FAM83G: variants seen among roughly 807,000 people sequenced by gnomAD.
The protein encoded by FAM83G is scaffolding CK1 anchoring protein G, also known as protein FAM83G.
FAM83G carries 38 observed loss-of-function variants against 61.5 expected under a neutral mutation model. The observed-to-expected ratio is 0.62, with a 90% CI of 0.48 to 0.81. The LOEUF (loss-of-function observed/expected upper bound fraction) is 0.81. Among genes scored for constraint, FAM83G ranks in the 30% least tolerant of loss-of-function variants. FAM83G has a pLI of 0.00. For synonymous variants in FAM83G, 470 were observed against 476.1 expected, an observed-to-expected ratio of 0.99 and a Z score of 0.17; for missense variants, 989 against 1,133.6, an observed-to-expected ratio of 0.87 and a Z score of 1.83.
chr17:18,969,220 C>T lies in FAM83G; in HGVS notation c.*2139G>A, dbSNP rs910789103. 42 of 1,585,280 alleles carry T rather than the reference C, an allele frequency of 2.6e-5. No homozygotes were observed. Among genetic ancestry groups the T allele is most frequent in the Middle Eastern group, 1.7e-4 (1 of 5,970 alleles). Reference sequence around the variant, plus strand: ...GTGTAAAGGGGTCAGAAGGCCACCTCCCCCTACAGGCCCGAGGGAGCAGCC... The same window carrying T: ...GTGTAAAGGGGTCAGAAGGCCACCTTCCCCTACAGGCCCGAGGGAGCAGCC... On this transcript the variant is annotated 3_prime_UTR_variant, in exon 6 of 6. Coordinates refer to ENST00000388995, the MANE Select transcript of FAM83G (RefSeq NM_001039999.3).
At chr17:19,001,405 G>A (rs1054969578) in intron 2 of FAM83G, among the ~76,000 whole-genome samples, 11 of 152,212 alleles carry the variant, frequency 7.2e-5, no homozygotes, top group Admixed American at 6.5e-4. Flanking sequence ...GACTCCCTGA[G>A]GTCTGAGAGT....
At chr17:18,973,392 C>T (rs1409962676) in intron 5 of FAM83G, among the ~76,000 whole-genome samples, 1 of 152,238 alleles carries the variant, frequency 6.6e-6, no homozygotes, top group East Asian at 1.9e-4. Context: ...GGAGGAGGAA[C>T]ACTGCTGACC....
chr17:18,971,453 G>A lies in FAM83G; in HGVS notation c.2378C>T (p.Ser793Leu), dbSNP rs538347250. ...GCCCGTCCTGGCCTTTAGGTGCTTC[G>A]ACTGAGACAGTTTGGAGTATGGGAT... ...FGIPYSKLSQSKHLKARTGGS... is the reference protein window; with the variant it reads ...FGIPYSKLSQLKHLKARTGGS... The change falls in exon 6 of 6, where the codon TCG (serine) becomes TTG (leucine). Residue 793 changes from serine to leucine, a missense_variant. By Grantham distance (145) the Ser-to-Leu change is moderately radical (BLOSUM62 -2). Coordinates refer to ENST00000388995, the MANE Select transcript of FAM83G (RefSeq NM_001039999.3). This position sits in a 1 kb window ranked among gnomAD's most constrained non-coding sequence, Gnocchi z 5.5. The A allele has an allele frequency of 5.6e-6, 9 of 1,613,888 alleles. No individual in the cohort carries two copies. Among genetic ancestry groups the A allele is most frequent in the Middle Eastern group, 1.6e-4 (1 of 6,062 alleles).
At chr17:19,005,654 C>A (rs976813447), upstream of FAM83G, among the ~76,000 whole-genome samples, 2 of 152,074 alleles carry the variant, frequency 1.3e-5, no homozygotes, top group African/African-American at 2.4e-5. Context: ...CAAACCCCCC[C>A]CCTCCAAGGC....
intron 3 of FAM83G, among the ~76,000 whole-genome samples, chr17:18,982,285 A>AGGTG (rs1242121313): frequency 3.3e-5 from 5 of 151,886 alleles, no homozygotes; most frequent in Non-Finnish European, 5.9e-5. Flanking sequence ...GGCCTGCAGC[A>AGGTG]GGGCCCCCCA....
intron 5 of FAM83G, among the ~76,000 whole-genome samples, chr17:18,972,108 C>T (rs2042870781): frequency 6.6e-6 from 1 of 152,190 alleles, no homozygotes; most frequent in South Asian, 2.1e-4. Flanking sequence ...TGGCCCTGCC[C>T]TCAAGACCCT....
At chr17:18,982,159 C>A (rs1260193259) in intron 3 of FAM83G, among the ~76,000 whole-genome samples, 3 of 152,248 alleles carry the variant, frequency 2.0e-5, no homozygotes, top group Non-Finnish European at 4.4e-5. Context: ...GCCGCTGACT[C>A]GCTGTGACTC....
intron 3 of FAM83G, among the ~76,000 whole-genome samples, chr17:18,981,138 A>AG (rs1720687327): frequency 1.3e-5 from 2 of 152,180 alleles, no homozygotes; most frequent in South Asian, 2.1e-4. Flanking sequence ...GGGGAGGCTG[A>AG]GGGGGTAAAC....
At position 19,003,029 on chromosome 17, in the gene FAM83G, T is replaced by G. The variant is rs538862017; in HGVS notation, c.522+491A>C. Among the ~76,000 whole-genome samples the G allele has an allele frequency of 1.3e-5, 2 of 152,040 alleles. No homozygotes were observed. Among genetic ancestry groups the G allele is most frequent in the South Asian group, 4.2e-4 (2 of 4,816 alleles). On this transcript the variant is annotated intron_variant, in intron 2 of 5. Coordinates refer to ENST00000388995, the MANE Select transcript of FAM83G (RefSeq NM_001039999.3). This position sits in a 1 kb window ranked among gnomAD's most constrained non-coding sequence, Gnocchi z 4.5. ...TCTGCTCCCAGTTGCTCAGCACAGC[T>G]AGGAAACAGGCAGTGTTGAACAAGG...
chr17:18,970,522 T>TATA lies in FAM83G; in HGVS notation c.*836_*837insTAT. On this transcript the variant is annotated 3_prime_UTR_variant, in exon 6 of 6. Coordinates refer to ENST00000388995, the MANE Select transcript of FAM83G (RefSeq NM_001039999.3). ...TCCCTCTCTGGACCTGTCTCCCTCT[T>TATA]CTCTGTGCCTCAGGGGGTGGGGCCA... 1 of 173,172 alleles carries TATA rather than the reference T, an allele frequency of 5.8e-6. No homozygotes were observed. The highest frequency in any genetic ancestry group is 1.3e-4 in the South Asian group (1 of 7,424). 10.7% of individuals were successfully genotyped at this position (173,172 alleles called of 1,614,324 possible).
At chr17:18,977,123 T>C (rs2043000591) in intron 5 of FAM83G, 1 of 1,274,380 alleles carries the variant, frequency 7.8e-7, no homozygotes, top group Admixed American at 2.1e-5. Flanking sequence ...GTGGGGAGAG[T>C]GGTCCTCAGG....
In FAM83G at chr17:18,971,657, T is replaced by G. The variant is rs780041805; in HGVS notation, c.2174A>C (p.Asp725Ala). 1 of 1,613,290 alleles carries G rather than the reference T, an allele frequency of 6.2e-7. No homozygotes were observed. The highest frequency in any genetic ancestry group is 2.2e-5 in the East Asian group (1 of 44,860). The change falls in exon 6 of 6, where the codon GAC (aspartate) becomes GCC (alanine). Residue 725 changes from aspartate (D) to alanine (A), a missense_variant. Coordinates refer to ENST00000388995, the MANE Select transcript of FAM83G (RefSeq NM_001039999.3). The surrounding 1 kb of genome is among the most constrained non-coding windows in gnomAD (Gnocchi z 5.5). The part of the protein sequence containing the change: ...PGPPRYRSAA[D>A]SVQSSTRNAG... Reference sequence around the variant, plus strand: ...GTTTCTGGTAGAGCTCTGGACGCTGTCAGCAGCAGAGCGGTACCTAGGGGG... The same window carrying G: ...GTTTCTGGTAGAGCTCTGGACGCTGGCAGCAGCAGAGCGGTACCTAGGGGG...
intron 5 of FAM83G, among the ~76,000 whole-genome samples, chr17:18,974,383 A>G (rs1814467173): frequency 6.6e-6 from 1 of 152,228 alleles, no homozygotes; most frequent in African/African-American, 2.4e-5. Flanking sequence ...CCAGTAACAA[A>G]GAGGCAAAGG....
chr17:18,976,368 G>C (rs2042981007), intron 5 of FAM83G: 1 of 153,738 alleles, frequency 6.5e-6, no homozygotes, highest in Non-Finnish European at 1.4e-5. Flanking sequence ...GCCTCCCTCT[G>C]CTACTGAACT....
At chr17:18,978,970 G>C in intron 4 of FAM83G, 120 bp from the exon 5 acceptor site, 1 of 1,145,930 alleles carries the variant, frequency 8.7e-7, no homozygotes, top group Non-Finnish European at 1.2e-6. Flanking sequence ...ATCAAGAAGT[G>C]AATGGGGGCA....
rs559868311 is a variant in FAM83G, at chr17:19,004,210, C to G, written c.-128-41G>C. 5 of 177,684 alleles carry G rather than the reference C, an allele frequency of 2.8e-5. No homozygotes were observed. The highest frequency in any genetic ancestry group is 1.6e-4 in the South Asian group (2 of 12,238). The allele number at this position is 177,684 out of a possible 1,614,324, so 11.0% of individuals were successfully genotyped here. A position where few individuals can be genotyped will look rare whatever the true frequency, so the allele number is the denominator to read the frequency against. ...GATGAGCCCGGCTCGGCGGGGAGGG[C>G]GGGCCGCGCGGGGAGGGGCGGCGGG... On this transcript the variant is annotated intron_variant, in intron 1 of 5. Transcript: ENST00000388995. The surrounding 1 kb of genome is among the most constrained non-coding windows in gnomAD (Gnocchi z 5.4).
rs1345148132 is a variant in FAM83G, at chr17:18,988,310, C to T, written c.627G>A (p.Glu209=). Residue 209 remains glutamate, a synonymous_variant, in exon 3 of 6, where the codon GAG becomes GAA. Coordinates refer to ENST00000388995, the MANE Select transcript of FAM83G (RefSeq NM_001039999.3). ...RKVAVYIIVD[E]SNVKYFLHMC... is the part of the protein sequence containing the mutation. The stretch of plus-strand genomic sequence containing the variant: ...TGTGCAGGAAGTACTTGACGTTACT[C>T]TCATCCACGATGATGTACACGGCCA... 1 of 1,614,120 alleles carries T rather than the reference C, an allele frequency of 6.2e-7. No homozygotes were observed. Among genetic ancestry groups the T allele is most frequent in the Non-Finnish European group, 8.5e-7 (1 of 1,180,050 alleles).
In FAM83G at chr17:18,969,191, G is replaced by C. The variant is rs548887367; in HGVS notation, c.*2168C>G. ...CCTGCAGCAGGGAGGTCCACCCAGGGGACGTGTAAAGGGGTCAGAAGGCCA... is the reference window on the plus strand; with the variant it reads ...CCTGCAGCAGGGAGGTCCACCCAGGCGACGTGTAAAGGGGTCAGAAGGCCA... On this transcript the variant is annotated 3_prime_UTR_variant, in exon 6 of 6. Coordinates refer to ENST00000388995, the MANE Select transcript of FAM83G (RefSeq NM_001039999.3). The C allele has an allele frequency of 1.9e-6, 3 of 1,608,466 alleles. No homozygotes were observed. Among genetic ancestry groups the C allele is most frequent in the East Asian group, 4.5e-5 (2 of 44,834 alleles).
At position 18,971,573 on chromosome 17, in the gene FAM83G, C is replaced by A. The variant is rs769798616; in HGVS notation, c.2258G>T (p.Arg753Leu). 1 of 1,613,480 alleles carries A rather than the reference C, an allele frequency of 6.2e-7. No individual in the cohort carries two copies. Among genetic ancestry groups the A allele is most frequent in the African/African-American group, 1.3e-5 (1 of 74,892 alleles). Residue 753 changes from arginine to leucine, a missense_variant, in exon 6 of 6, where the codon CGC becomes CTC. This residue lies in a region of FAM83G where 574 missense variants were observed against 645.1 expected (regional missense o/e 0.89). Coordinates refer to ENST00000388995, the MANE Select transcript of FAM83G (RefSeq NM_001039999.3). The surrounding 1 kb of genome is among the most constrained non-coding windows in gnomAD (Gnocchi z 5.5). ...HWQAKGGQVPRLLPDPGSPRL... is the reference protein window; with the variant it reads ...HWQAKGGQVPLLLPDPGSPRL... ...TGGGCTGCCGGGATCCGGAAGCAGG[C>A]GGGGTACCTGACCTCCCTTGGCCTG...
Sources: gnomAD v4.1 joint callset for allele counts (sites outside exome capture counted in the v4.1 genomes callset) on GRCh38, gnomAD v4.1.1 for gene constraint, gnomAD v4.1.1 regional missense constraint, Gnocchi (gnomAD v3.1) non-coding constraint, MANE v1.5 for transcripts, NCBI Gene and HGNC (gene_info 2026-07-23, HGNC 2026-07-21) for gene names.